Variants in NLRC3 observed in about 807,000 individuals in gnomAD.
The protein encoded by NLRC3 is NLR family CARD domain-containing protein 3.
A neutral mutation model predicts 91.6 loss-of-function variants in NLRC3; 87 were observed. The ratio of observed to expected loss-of-function variants is 0.95; its 90% CI spans 0.80 to 1.14. The LOEUF is 1.14. Among genes scored for constraint, NLRC3 ranks in the 50% most tolerant of loss-of-function variants. NLRC3 has a pLI of 0.00. For missense variants in NLRC3, 1,577 were observed against 1,418.6 expected, an observed-to-expected ratio of 1.11 and a Z score of -1.79; for synonymous variants, 694 against 625.3, an observed-to-expected ratio of 1.11 and a Z score of -1.64.
intron 11 of NLRC3, 68 bp downstream of exon 11, chr16:3,550,346 G>T: frequency 9.4e-7 from 1 of 1,059,790 alleles, no homozygotes; most frequent in Non-Finnish European, 1.5e-6. Context: ...CATTTTTCAG[G>T]ACTGCCGGCC....
At position 3,563,149 on chromosome 16, in the gene NLRC3, A is replaced by C. The variant is rs8044743; in HGVS notation, c.1788T>G (p.Thr596=). The change falls in exon 5 of 20, where the codon ACT becomes ACG. Residue 596 remains threonine, a synonymous_variant. Transcript: ENST00000359128. ...CCAGGGCAGCGCGGTGCGCGGGACCAGTCAGCCTGGCCAGGGCCCCGCTCT... is the reference window on the plus strand; with the variant it reads ...CCAGGGCAGCGCGGTGCGCGGGACCCGTCAGCCTGGCCAGGGCCCCGCTCT... ...AMESGALARL[T]GPAHRAALAY... The C allele has an allele frequency of 2.4e-5, 38 of 1,586,872 alleles. No homozygotes were observed. The highest frequency in any genetic ancestry group is 3.0e-5 in the Non-Finnish European group (35 of 1,168,390).
Position 3,564,099 on chromosome 16 carries a change from C to T in NLRC3, c.838G>A (p.Val280Met). 1 of 1,613,646 alleles carries T rather than the reference C, an allele frequency of 6.2e-7. No individual in the cohort carries two copies. The change falls in exon 5 of 20, where the codon GTG (valine) becomes ATG (methionine). Residue 280 changes from valine to methionine, a missense_variant. Transcript: ENST00000359128. The surrounding 1 kb of genome is among the most constrained non-coding windows in gnomAD (Gnocchi z 5.9). Reference protein sequence around the residue: ...SASGQIPGGLVDRMTEIRGFN... With the variant: ...SASGQIPGGLMDRMTEIRGFN... ...CCCCGGATCTCCGTCATCCGGTCCA[C>T]CAGGCCCCCTGGGATCTGGCCAGAT...
chr16:3,562,469 C>G (rs983022825), intron 5 of NLRC3, among the ~76,000 whole-genome samples: 4 of 152,012 alleles, frequency 2.6e-5, no homozygotes, highest in Non-Finnish European at 5.9e-5. Flanking sequence ...GGTGAAACCC[C>G]GTCTCTACTA....
chr16:3,543,246 T>G, intron 17 of NLRC3, 179 bp downstream of exon 17: 1 of 601,598 alleles, frequency 1.7e-6, no homozygotes. Flanking sequence ...GGAGGGCAAA[T>G]GATAGCGACT....
chr16:3,548,404 G>T (rs2151084784), intron 14 of NLRC3, among the ~76,000 whole-genome samples, 186 bp from the exon 15 acceptor site: 1 of 152,366 alleles, frequency 6.6e-6, no homozygotes, highest in Admixed American at 6.5e-5. Flanking sequence ...GTGGCCAGAG[G>T]GCCGGGGAAT....
intron 6 of NLRC3, 32 bp from the exon 7 acceptor site, chr16:3,557,708 T>G (rs1043314161): frequency 9.8e-6 from 14 of 1,435,548 alleles, no homozygotes; most frequent in Non-Finnish European, 1.2e-5. Context: ...AGTGGTTATT[T>G]TAGGCATGCA....
At chr16:3,575,880 C>T (rs2040270826) in intron 1 of NLRC3, among the ~76,000 whole-genome samples, 1 of 152,208 alleles carries the variant, frequency 6.6e-6, no homozygotes, top group South Asian at 2.1e-4. Context: ...TTGGATGCTC[C>T]TCTCTTCCCA....
In NLRC3 at chr16:3,544,281, A is replaced by C; in HGVS notation, c.2820T>G (p.Arg940=). 1 of 1,613,154 alleles carries C rather than the reference A, an allele frequency of 6.2e-7. No individual in the cohort carries two copies. The highest frequency in any genetic ancestry group is 1.3e-5 in the African/African-American group (1 of 74,924). The change falls in exon 16 of 20, where the codon CGT becomes CGG. Residue 940 remains arginine, a synonymous_variant. Coordinates refer to ENST00000359128, the MANE Select transcript of NLRC3 (RefSeq NM_178844.4). ...IGDDGACAVA[R]ALKVNTALTA... ...TGAGGGCTGTGTTGACCTTCAGTGC[A>C]CGGGCCACCGCACACGCTCCGTCAT...
At position 3,564,517 on chromosome 16, in the gene NLRC3, G is replaced by C. The variant is rs763520885; in HGVS notation, c.420C>G (p.Val140=). The C allele has an allele frequency of 6.2e-7, 1 of 1,612,300 alleles. No homozygotes were observed. Among genetic ancestry groups the C allele is most frequent in the African/African-American group, 1.3e-5 (1 of 75,068 alleles). The change falls in exon 5 of 20, where the codon GTC becomes GTG. Residue 140 remains valine (V), a synonymous_variant. Coordinates refer to ENST00000359128, the MANE Select transcript of NLRC3 (RefSeq NM_178844.4). The surrounding 1 kb of genome is among the most constrained non-coding windows in gnomAD (Gnocchi z 5.9). ...TGCCGGCCACCCCGATAGTGATGGA[G>C]ACCCGGGGTGGGACAGACACCCGGG... ...PLSRVSVPPR[V]SITIGVAGMG...
At chr16:3,551,400 A>ACC (rs1343869323) in intron 10 of NLRC3, among the ~76,000 whole-genome samples, 1 of 144,734 alleles carries the variant, frequency 6.9e-6, no homozygotes, top group Non-Finnish European at 1.5e-5. Flanking sequence ...CTCTCTACCC[A>ACC]CCCATCCACC....
At chr16:3,559,752 C>T (rs1372238443) in intron 6 of NLRC3, among the ~76,000 whole-genome samples, 1 of 151,276 alleles carries the variant, frequency 6.6e-6, no homozygotes, top group Non-Finnish European at 1.5e-5. Flanking sequence ...AGTTCTCCTG[C>T]TTCAGCCTCC....
chr16:3,574,386 T>A (rs2151109756), intron 1 of NLRC3, among the ~76,000 whole-genome samples: 1 of 151,966 alleles, frequency 6.6e-6, no homozygotes. Context: ...TAGTTTAAGC[T>A]CCTCCGGTGG....
chr16:3,544,341 G>T lies in NLRC3; in HGVS notation c.2772-12C>A, dbSNP rs201063060. The T allele has an allele frequency of 6.7e-5, 107 of 1,602,508 alleles. No homozygotes were observed. Among genetic ancestry groups the T allele is most frequent in the Non-Finnish European group, 2.1e-5 (25 of 1,169,882 alleles). ...CGTTCTCCTGTAAACTAGACACAGA[G>T]TATGACCCCTTTGGGTGCACGGGGC... is the stretch of plus-strand genomic sequence containing the variant. On this transcript the variant is annotated splice_polypyrimidine_tract_variant and intron_variant, in intron 15 of 19. Coordinates refer to ENST00000359128, the MANE Select transcript of NLRC3 (RefSeq NM_178844.4).
chr16:3,560,910 C>T (rs1032718790), intron 6 of NLRC3, among the ~76,000 whole-genome samples: 11 of 151,956 alleles, frequency 7.2e-5, no homozygotes, highest in African/African-American at 2.2e-4. Flanking sequence ...CCACCTGCTT[C>T]GGCCTCCCAA....
chr16:3,548,814 G>C, intron 13 of NLRC3, 61 bp from the exon 14 acceptor site: 2 of 1,177,090 alleles, frequency 1.7e-6, no homozygotes, highest in East Asian at 2.5e-5. Flanking sequence ...TCCGGTCCTT[G>C]GTCACCAGGG....
intron 18 of NLRC3, among the ~76,000 whole-genome samples, 157 bp downstream of exon 18, chr16:3,542,535 C>G (rs547178014): frequency 1.9e-4 from 29 of 152,280 alleles, no homozygotes; most frequent in African/African-American, 6.0e-4. Flanking sequence ...ACTCAACAAA[C>G]CCAGCTGCAG....
rs768787235 is a variant in NLRC3 at position 3,549,184 on chromosome 16, A to G, written c.2561T>C (p.Ile854Thr). Residue 854 changes from isoleucine to threonine, a missense_variant, in exon 13 of 20, where the codon ATC becomes ACC. Ile to Thr is a moderately conservative substitution (Grantham distance 89). Transcript: ENST00000359128. ...NSISPEGAQA[I>T]AHALCANSTL... ...GCTGTTGGCGCAGAGGGCATGAGCG[A>G]TGGCCTGGGCTCCCTCGGGACTGAT... is the stretch of plus-strand genomic sequence containing the variant. 16 of 1,589,654 alleles carry G rather than the reference A, an allele frequency of 1.0e-5. No homozygotes were observed. The highest frequency in any genetic ancestry group is 1.3e-5 in the African/African-American group (1 of 74,504).
intron 16 of NLRC3, 83 bp downstream of exon 16, chr16:3,544,162 GA>G (rs60164526): frequency 0.26 from 167,617 of 644,036 alleles, 1,132 homozygotes; most frequent in East Asian, 0.3. Context: ...TTGTCTCGAG[GA>G]AAAAAAAAAA....
At chr16:3,543,669 ACTGT>A (rs2038531256) in intron 16 of NLRC3, 161 bp from the exon 17 acceptor site, 4 of 617,030 alleles carry the variant, frequency 6.5e-6, no homozygotes, top group Admixed American at 2.5e-5. Context: ...TCCTACCTAC[ACTGT>A]CTGTTGCCTA....
Sources: gnomAD v4.1 joint callset for allele counts (sites outside exome capture counted in the v4.1 genomes callset) on GRCh38, gnomAD v4.1.1 for gene constraint, Gnocchi (gnomAD v3.1) non-coding constraint, MANE v1.5 for transcripts, NCBI Gene and HGNC (gene_info 2026-07-23, HGNC 2026-07-21) for gene names.